FDFT1: variants seen among roughly 807,000 people sequenced by gnomAD.
FDFT1 encodes squalene synthase.
FDFT1 carries 68 observed loss-of-function variants against 46.8 expected under a neutral mutation model. The ratio of observed to expected loss-of-function variants is 1.45; its 90% CI spans 1.19 to 1.78. The LOEUF (loss-of-function observed/expected upper bound fraction) is 1.78. FDFT1 is among the 40% of genes most tolerant of loss of function. FDFT1 has a pLI of 0.00. For synonymous variants in FDFT1, 351 were observed against 185.1 expected (o/e 1.90, Z -7.28); for missense variants, 928 against 524.4 (o/e 1.77, Z -7.52).
At position 11,815,812 on chromosome 8, in the gene FDFT1, G is replaced by C. The variant is rs565640726; in HGVS notation, c.382-5938G>C. ...AATTACAAAAATTTTCTCCTATTCTGTAGGTTGCCTTTTACTCTGATGATA... is the reference window on the plus strand; with the variant it reads ...AATTACAAAAATTTTCTCCTATTCTCTAGGTTGCCTTTTACTCTGATGATA... On this transcript the variant is annotated intron_variant, in intron 3 of 7. Transcript: ENST00000220584. Among the ~76,000 whole-genome samples, 8 of 152,256 alleles carry C rather than the reference G, an allele frequency of 5.3e-5. No individual in the cohort carries two copies. The South Asian group carries it at 1.4e-3, about 28-fold the overall frequency.
upstream of FDFT1, among the ~76,000 whole-genome samples, chr8:11,801,255 TA>T (rs1447899805): frequency 1.3e-5 from 2 of 152,306 alleles, no homozygotes; most frequent in East Asian, 3.9e-4. Flanking sequence ...TCAGGATCCC[TA>T]TAGGTGCTTT....
chr8:11,795,714 C>T (rs1415774020), exon 1 of FDFT1: 2 of 152,200 alleles, frequency 1.3e-5, no homozygotes, highest in Non-Finnish European at 2.9e-5. Flanking sequence ...CAGCTTCACT[C>T]CTGAAGCCAG....
upstream of FDFT1, chr8:11,802,653 C>T: frequency 3.3e-6 from 2 of 607,610 alleles, no homozygotes; most frequent in South Asian, 1.9e-5. Context: ...GCAGCTAGCC[C>T]CGCTGGCGGC....
At chr8:11,821,609 A>G (rs931559874) in intron 3 of FDFT1, 141 bp from the exon 4 acceptor site, 4 of 949,524 alleles carry the variant, frequency 4.2e-6, no homozygotes, top group Non-Finnish European at 4.7e-6. Context: ...AAACAAAAAC[A>G]AAAAAAATGT....
chr8:11,801,354 T>C (rs191091376), upstream of FDFT1, among the ~76,000 whole-genome samples: 44 of 152,312 alleles, frequency 2.9e-4, no homozygotes, highest in African/African-American at 1.0e-3. Context: ...AGTCTCGCTC[T>C]TGTCCCCCAG....
chr8:11,816,746 T>C (rs1291656369), intron 3 of FDFT1, among the ~76,000 whole-genome samples: 1 of 152,234 alleles, frequency 6.6e-6, no homozygotes, highest in Non-Finnish European at 1.5e-5. Context: ...CTGAAGTTGC[T>C]TATCAGCTTA....
chr8:11,801,325 C>T (rs183290126), upstream of FDFT1, among the ~76,000 whole-genome samples: 546 of 152,232 alleles, frequency 3.6e-3, 2 homozygotes, highest in Non-Finnish European at 5.8e-3. Flanking sequence ...GACAGGTTTC[C>T]TGTTTGTTTT....
At chr8:11,802,609 C>A, upstream of FDFT1, 1 of 597,270 alleles carries the variant, frequency 1.7e-6, no homozygotes, top group Middle Eastern at 3.0e-4. Context: ...GCGGCCCTGG[C>A]CAATCAGCGC....
intron 4 of FDFT1, among the ~76,000 whole-genome samples, chr8:11,824,152 G>A (rs1393185680): frequency 5.9e-5 from 9 of 152,056 alleles, no homozygotes; most frequent in East Asian, 3.9e-4. Flanking sequence ...CGTGAACTTC[G>A]GTCATTTCCT....
In FDFT1 at chr8:11,838,514, CT is replaced by C; in HGVS notation, c.1160del (p.Leu387ArgfsTer10). On this transcript the variant is annotated frameshift_variant, in exon 8 of 8. Transcript: ENST00000220584. LOFTEE classifies it high-confidence loss of function. ...CCGAAGCCACTACTCCCCCATCTAC[CT>C]GTCGTTTGTCATGCTTTTGGCTGCC... ...ISRSHYSPIYLSFVMLLAALS... is the reference protein window; with the variant it reads ...ISRSHYSPIYXSFVMLLAALS... The C allele has an allele frequency of 6.2e-7, 1 of 1,608,674 alleles. No individual in the cohort carries two copies. Among genetic ancestry groups the C allele is most frequent in the Non-Finnish European group, 8.5e-7 (1 of 1,176,830 alleles).
intron 4 of FDFT1, among the ~76,000 whole-genome samples, chr8:11,825,462 C>T (rs990338475): frequency 6.7e-6 from 1 of 149,806 alleles, no homozygotes; most frequent in African/African-American, 2.5e-5. Context: ...ATCACTTGAA[C>T]CCAAGAGGCA....
In FDFT1 at chr8:11,830,265, A is replaced by C; in HGVS notation, c.724A>C (p.Lys242Gln). Residue 242 changes from lysine to glutamine, a missense_variant, in exon 6 of 8, where the codon AAG (lysine) becomes CAG (glutamine). Transcript: ENST00000220584. ...CTAGGTTTGGAGCAGGTATGTTAAG[A>C]AGTTAGGGGATTTTGCTAAGCCGGA... ...PQEVWSRYVK[K>Q]LGDFAKPENI... 1 of 1,613,926 alleles carries C rather than the reference A, an allele frequency of 6.2e-7. No individual in the cohort carries two copies. Among genetic ancestry groups the C allele is most frequent in the Non-Finnish European group, 8.5e-7 (1 of 1,179,878 alleles).
intron 7 of FDFT1, among the ~76,000 whole-genome samples, chr8:11,835,955 G>A (rs1297646358): frequency 2.9e-5 from 3 of 103,724 alleles, no homozygotes; most frequent in African/African-American, 1.0e-4. Flanking sequence ...CTTATGTGAT[G>A]AAACCCTGTC....
chr8:11,812,137 C>G lies in FDFT1; in HGVS notation c.381+2287C>G, dbSNP rs1807802623. On this transcript the variant is annotated intron_variant, in intron 3 of 7. Coordinates refer to ENST00000220584, the MANE Select transcript of FDFT1 (RefSeq NM_004462.5). ...CTTCAGAGTGCCCCATTCTAGGCCC[C>G]CTCACTCCCAAAGGGGTGAGGGATC... 2.6e-5 allele frequency among the ~76,000 whole-genome samples: 4 copies of G among 152,182 alleles called. No individual in the cohort carries two copies. In the South Asian group the frequency reaches 8.3e-4, roughly 32 times the overall value.
chr8:11,835,928 G>T (rs1378711641), intron 7 of FDFT1, among the ~76,000 whole-genome samples: 6 of 125,878 alleles, frequency 4.8e-5, no homozygotes, highest in African/African-American at 1.4e-4. Flanking sequence ...GAGGTCAGGA[G>T]TGCGAAACCA....
intron 7 of FDFT1, among the ~76,000 whole-genome samples, chr8:11,831,978 T>TG (rs1418137458): frequency 6.6e-6 from 1 of 152,182 alleles, no homozygotes; most frequent in Non-Finnish European, 1.5e-5. Context: ...TTCTTGTTGC[T>TG]GGTGAGGAAT....
upstream of FDFT1, among the ~76,000 whole-genome samples, chr8:11,799,276 G>A (rs1208543864): frequency 1.3e-5 from 2 of 152,248 alleles, no homozygotes; most frequent in Non-Finnish European, 2.9e-5. Flanking sequence ...CTCTTGACCA[G>A]TCAAAGCTGT....
At chr8:11,809,175 G>C (rs901294767) in intron 2 of FDFT1, 6 of 1,262,290 alleles carry the variant, frequency 4.8e-6, no homozygotes, top group African/African-American at 1.5e-5. Context: ...TGAGCAGGTC[G>C]TGTATTTCTC....
At chr8:11,808,438 G>A (rs978900126) in intron 1 of FDFT1, 2 of 1,269,448 alleles carry the variant, frequency 1.6e-6, no homozygotes, top group Non-Finnish European at 9.9e-7. Context: ...TAGAGGGCGA[G>A]CCCGTCCCGC....
Sources: allele counts gnomAD v4.1 joint callset (sites outside exome capture counted in the v4.1 genomes callset), GRCh38; gene constraint gnomAD v4.1.1; transcripts MANE v1.5; gene names NCBI Gene and HGNC (gene_info 2026-07-23, HGNC 2026-07-21).